The following BABAM2 variants were observed in gnomAD, a reference collection of about 807,000 sequenced individuals.
The protein encoded by BABAM2 is BRISC and BRCA1 A complex member 2.
A neutral mutation model predicts 54.7 loss-of-function variants in BABAM2; 31 were observed. The observed-to-expected ratio is 0.57, with a 90% CI of 0.43 to 0.77. The LOEUF is 0.77. Among genes scored for constraint, BABAM2 ranks in the 30% least tolerant of loss-of-function variants. BABAM2 has a pLI of 0.00. For missense variants in BABAM2, 364 were observed against 455.8 expected (o/e 0.80, Z 1.83); for synonymous variants, 167 against 162.9 (o/e 1.03, Z -0.19).
At chr2:28,203,723 T>C (rs1007769670) in intron 7 of BABAM2, among the ~76,000 whole-genome samples, 4 of 152,212 alleles carry the variant, frequency 2.6e-5, no homozygotes, top group African/African-American at 9.7e-5. Flanking sequence ...CTTTATGCTT[T>C]TAAGAGCTTT....
chr2:28,272,649 A>G (rs1436899742), intron 10 of BABAM2, among the ~76,000 whole-genome samples: 2 of 152,302 alleles, frequency 1.3e-5, no homozygotes, highest in African/African-American at 4.8e-5. Context: ...GCGGGGCTCC[A>G]CGTAAACCAA....
intron 2 of BABAM2, among the ~76,000 whole-genome samples, chr2:27,905,331 G>T (rs1666112893): frequency 6.6e-6 from 1 of 152,176 alleles, no homozygotes; most frequent in African/African-American, 2.4e-5. Context: ...GTGATGGTAA[G>T]CATGTGGGTT....
chr2:27,959,703 C>A (rs866251024), intron 3 of BABAM2, among the ~76,000 whole-genome samples: 1 of 152,206 alleles, frequency 6.6e-6, no homozygotes, highest in South Asian at 2.1e-4. Context: ...GTCTGACTTG[C>A]GTAATTTTCC....
At chr2:28,277,254 C>T (rs1425462598) in intron 10 of BABAM2, among the ~76,000 whole-genome samples, 3 of 152,056 alleles carry the variant, frequency 2.0e-5, no homozygotes, top group Admixed American at 6.6e-5. Flanking sequence ...TACAGGTGCC[C>T]GCCACCACAC....
At chr2:28,298,807 T>C (rs946606162) in intron 11 of BABAM2, among the ~76,000 whole-genome samples, 1 of 152,200 alleles carries the variant, frequency 6.6e-6, no homozygotes, top group Admixed American at 6.5e-5. Flanking sequence ...ACTGTTTCTG[T>C]TGGTCTCTAA....
chr2:27,946,662 G>A (rs912865486), intron 3 of BABAM2, among the ~76,000 whole-genome samples: 2 of 151,888 alleles, frequency 1.3e-5, no homozygotes, highest in African/African-American at 4.8e-5. Context: ...AGAGAGAGAG[G>A]AGAGAGGAGA....
chr2:28,141,644 C>T (rs1208120899), intron 7 of BABAM2, among the ~76,000 whole-genome samples: 1 of 152,160 alleles, frequency 6.6e-6, no homozygotes, highest in Non-Finnish European at 1.5e-5. Flanking sequence ...AAAACCAGCA[C>T]TTCAGAGCTT....
intron 4 of BABAM2, among the ~76,000 whole-genome samples, chr2:28,017,755 A>G (rs1429803012): frequency 6.6e-6 from 1 of 152,242 alleles, no homozygotes; most frequent in African/African-American, 2.4e-5. Flanking sequence ...GACATTTTGT[A>G]TAAATGGATT....
chr2:28,033,284 ATGTG>A (rs1327613825), intron 5 of BABAM2, among the ~76,000 whole-genome samples: 1 of 151,866 alleles, frequency 6.6e-6, no homozygotes, highest in African/African-American at 2.4e-5. Flanking sequence ...TTTGTCATGG[ATGTG>A]TGTATCAGAA....
intron 6 of BABAM2, among the ~76,000 whole-genome samples, chr2:28,116,475 C>T (rs1228199601): frequency 2.6e-5 from 4 of 152,106 alleles, no homozygotes; most frequent in Admixed American, 2.6e-4. Context: ...TGGAAATAAC[C>T]AATTGCTTAG....
At chr2:28,132,187 G>C (rs1243335602) in intron 7 of BABAM2, among the ~76,000 whole-genome samples, 8 of 145,470 alleles carry the variant, frequency 5.5e-5, no homozygotes, top group Admixed American at 4.2e-4. Flanking sequence ...CCCCCAGGCT[G>C]GAGTGCAGTG....
chr2:28,110,820 C>G (rs1667939495), intron 6 of BABAM2, among the ~76,000 whole-genome samples: 1 of 152,074 alleles, frequency 6.6e-6, no homozygotes, highest in Admixed American at 6.6e-5. Context: ...TTACACTACC[C>G]CCAACAGTGC....
chr2:28,202,739 A>C (rs1193654954), intron 7 of BABAM2, among the ~76,000 whole-genome samples: 1 of 152,218 alleles, frequency 6.6e-6, no homozygotes, highest in African/African-American at 2.4e-5. Context: ...ACAAATAATC[A>C]GGACTCTCAT....
chr2:28,326,448 C>G (rs1690465681), intron 11 of BABAM2, among the ~76,000 whole-genome samples: 1 of 152,112 alleles, frequency 6.6e-6, no homozygotes, highest in Admixed American at 6.6e-5. Context: ...CTCTGGGTTC[C>G]CAGGCCCCAG....
intron 6 of BABAM2, among the ~76,000 whole-genome samples, chr2:28,047,509 T>G (rs1677673797): frequency 6.6e-6 from 1 of 152,246 alleles, no homozygotes; most frequent in South Asian, 2.1e-4. Context: ...GAAATTGATG[T>G]TGCCTCTGCT....
intron 11 of BABAM2, among the ~76,000 whole-genome samples, chr2:28,328,234 C>T (rs1690650514): frequency 6.6e-6 from 1 of 152,170 alleles, no homozygotes; most frequent in African/African-American, 2.4e-5. Flanking sequence ...CAAGGCAAGA[C>T]CACGAGGCAT....
intron 11 of BABAM2, chr2:28,310,188 A>G: frequency 6.3e-7 from 1 of 1,597,328 alleles, no homozygotes; most frequent in Admixed American, 1.7e-5. Flanking sequence ...AGAACCTGAC[A>G]TCTGTTGCAG....
intron 3 of BABAM2, among the ~76,000 whole-genome samples, chr2:27,942,380 A>G (rs780978180): frequency 2.0e-5 from 3 of 151,664 alleles, no homozygotes; most frequent in Non-Finnish European, 2.9e-5. Flanking sequence ...TATTTTTTTG[A>G]GACAGGGTCT....
chr2:28,107,130 C>G (rs962543156), intron 6 of BABAM2, among the ~76,000 whole-genome samples: 3 of 152,038 alleles, frequency 2.0e-5, no homozygotes, highest in Admixed American at 6.6e-5. Flanking sequence ...TACTGTTGCT[C>G]CTGCCCCCTC....
Sources: gnomAD v4.1 joint callset for allele counts (sites outside exome capture counted in the v4.1 genomes callset) on GRCh38, gnomAD v4.1.1 for gene constraint, MANE v1.5 for transcripts, NCBI Gene and HGNC (gene_info 2026-07-23, HGNC 2026-07-21) for gene names.